TTLL5: variants seen among roughly 807,000 people sequenced by gnomAD.
TTLL5 encodes tubulin tyrosine ligase like 5.
In TTLL5, 132 loss-of-function variants were observed where a neutral mutation model predicts 168.4. The observed-to-expected ratio is 0.78, with a 90% confidence interval of 0.68 to 0.91. The LOEUF is 0.91. Ranked by LOEUF, TTLL5 falls within the 40% of genes least tolerant of loss-of-function variation. The pLI, the probability that TTLL5 is intolerant of heterozygous loss-of-function variation, is 0.00. For synonymous variants in TTLL5, 546 were observed against 558.6 expected (o/e 0.98, Z 0.32); for missense variants, 1,545 against 1,581.5 (o/e 0.98, Z 0.39).
At chr14:75,664,569 T>C (rs1883114709) in intron 2 of TTLL5, among the ~76,000 whole-genome samples, 1 of 152,240 alleles carries the variant, frequency 6.6e-6, no homozygotes, top group African/African-American at 2.4e-5. Context: ...GTGGGCTTCT[T>C]GTAAGATACA....
rs1453660478 is a variant in TTLL5, at chr14:75,772,690, C to CA, written c.2136+837dup. Among the ~76,000 whole-genome samples the CA allele has an allele frequency of 4.8e-5, 7 of 145,480 alleles. No individual in the cohort carries two copies. The East Asian group carries it at 6.1e-4, about 13-fold the overall frequency. ...TATTCTTTTTTTTTTTTTTTTGAGA[C>CA]AGAGTCTTGCTCTGTCGCCCAGGCT... On this transcript the variant is annotated intron_variant, in intron 21 of 31. Coordinates refer to ENST00000298832, the MANE Select transcript of TTLL5 (RefSeq NM_015072.5).
intron 6 of TTLL5, among the ~76,000 whole-genome samples, chr14:75,696,155 G>A (rs761133749): frequency 3.2e-4 from 49 of 152,144 alleles, no homozygotes; most frequent in African/African-American, 5.3e-4. Context: ...CTCCCAAAGC[G>A]CTGGGATTAC....
intron 30 of TTLL5, among the ~76,000 whole-genome samples, chr14:75,899,562 A>G (rs917330249): frequency 5.3e-5 from 8 of 152,232 alleles, no homozygotes; most frequent in Non-Finnish European, 1.0e-4. Flanking sequence ...CTGTGGACAC[A>G]TTTCTACATC....
At chr14:75,890,780 C>T (rs994713331) in intron 30 of TTLL5, among the ~76,000 whole-genome samples, 2 of 152,104 alleles carry the variant, frequency 1.3e-5, no homozygotes, top group African/African-American at 2.4e-5. Flanking sequence ...AGTGCAGTGG[C>T]GCGATCTTGG....
At chr14:75,953,251 C>G (rs911524368) in intron 31 of TTLL5, among the ~76,000 whole-genome samples, 2 of 152,176 alleles carry the variant, frequency 1.3e-5, no homozygotes, top group East Asian at 1.9e-4. Context: ...AATACTGCTC[C>G]ACATGTAGAG....
Position 75,771,730 on chromosome 14 carries a change from A to G in TTLL5, c.2016-4A>G, listed in dbSNP as rs760629839. 85 of 1,613,162 alleles carry G rather than the reference A, an allele frequency of 5.3e-5. No individual in the cohort carries two copies. In the East Asian group the frequency reaches 8.0e-4, roughly 15 times the overall value. ...TAACGGTATGTTGTTTTGGATTTCT[A>G]TAGCAAAATGCAGGCCCGAATAGCA... On this transcript the variant is annotated splice_polypyrimidine_tract_variant and splice_region_variant and intron_variant, in intron 20 of 31. Coordinates refer to ENST00000298832, the MANE Select transcript of TTLL5 (RefSeq NM_015072.5).
At chr14:75,678,882 A>G (rs1423803582) in intron 3 of TTLL5, among the ~76,000 whole-genome samples, 1 of 152,178 alleles carries the variant, frequency 6.6e-6, no homozygotes, top group Non-Finnish European at 1.5e-5. Flanking sequence ...CTGGTAAGAT[A>G]TTTTGAGATG....
At chr14:75,700,591 G>A (rs1566819533) in intron 7 of TTLL5, among the ~76,000 whole-genome samples, 1 of 152,188 alleles carries the variant, frequency 6.6e-6, no homozygotes, top group Admixed American at 6.5e-5. Flanking sequence ...AACCCCGGAA[G>A]CATGCCAACA....
intron 18 of TTLL5, among the ~76,000 whole-genome samples, chr14:75,754,377 A>G (rs928472178): frequency 5.9e-5 from 9 of 152,144 alleles, no homozygotes; most frequent in African/African-American, 1.9e-4. Flanking sequence ...TATATCTGCA[A>G]ATGTATGGTG....
chr14:75,780,437 T>C (rs565091151), intron 24 of TTLL5, among the ~76,000 whole-genome samples: 1 of 152,290 alleles, frequency 6.6e-6, no homozygotes, highest in African/African-American at 2.4e-5. Context: ...TGAATATGGA[T>C]GTGGCTGTCT....
intron 6 of TTLL5, among the ~76,000 whole-genome samples, chr14:75,695,962 G>A (rs1885827551): frequency 7.3e-6 from 1 of 136,564 alleles, no homozygotes; most frequent in Non-Finnish European, 1.5e-5. Context: ...GGTAATCATA[G>A]CTCCCCATAA....
At chr14:75,782,987 ATTAAGT>A (rs1190370424) in intron 25 of TTLL5, among the ~76,000 whole-genome samples, 154 bp from the exon 26 acceptor site, 2 of 152,230 alleles carry the variant, frequency 1.3e-5, no homozygotes, top group African/African-American at 2.4e-5. Context: ...GGCAAAAATC[ATTAAGT>A]TTATGATGAA....
rs778792332 is a variant in TTLL5, at chr14:75,874,933, C to CCTTTTTTTTTTTTTTTT, written c.3523-7752_3523-7751insCTTTTTTTTTTTTTTTT. ...AGAGAAAAAAAAAGACACTGGGGGC[C>CCTTTTTTTTTTTTTTTT]TTTTTTTTTTTTTTTTTTGAGACGG... On this transcript the variant is annotated intron_variant, in intron 29 of 31. Transcript: ENST00000298832. Among the ~76,000 whole-genome samples, 63 of 97,536 alleles carry CCTTTTTTTTTTTTTTTT rather than the reference C, an allele frequency of 6.5e-4. 8 individuals carry two copies. Among genetic ancestry groups the CCTTTTTTTTTTTTTTTT allele is most frequent in the African/African-American group, 2.9e-3 (60 of 20,372 alleles). The allele number at this position is 97,536 out of a possible 152,430, so 64.0% of individuals were successfully genotyped here. A position where few individuals can be genotyped will look rare whatever the true frequency, so the allele number is the denominator to read the frequency against.
At chr14:75,914,033 A>T (rs11850344) in intron 31 of TTLL5, among the ~76,000 whole-genome samples, 2,472 of 71,142 alleles carry the variant, frequency 0.035, 212 homozygotes, top group Middle Eastern at 0.13. Flanking sequence ...AAAAAAAAAA[A>T]ATATATATAT....
At chr14:75,778,624 A>C (rs1013745762) in intron 23 of TTLL5, among the ~76,000 whole-genome samples, 3 of 152,154 alleles carry the variant, frequency 2.0e-5, no homozygotes, top group African/African-American at 7.2e-5. Flanking sequence ...AAGATGGGAT[A>C]TAGGTTCTCT....
chr14:75,863,711 A>G lies in TTLL5; in HGVS notation c.3371A>G (p.Asn1124Ser). The G allele has an allele frequency of 6.2e-7, 1 of 1,612,100 alleles. No individual in the cohort carries two copies. Residue 1124 changes from asparagine (N) to serine (S), a missense_variant, in exon 29 of 32, where the codon AAC becomes AGC. By Grantham distance (46) the Asn-to-Ser change is conservative. Transcript: ENST00000298832. The stretch of plus-strand genomic sequence containing the variant: ...TTTGCCTGGGAAGGAGAAGTAGAAA[A>G]CAACGTGTACAGCCAGGCTACAGGG... ...GGFAWEGEVE[N>S]NVYSQATGVV...
At chr14:75,887,420 G>A (rs967597106) in intron 30 of TTLL5, 4 of 739,988 alleles carry the variant, frequency 5.4e-6, no homozygotes, top group Non-Finnish European at 6.6e-6. Context: ...CATATTGTGT[G>A]TTAACCATGT....
At chr14:75,900,059 A>G (rs2032854050) in intron 30 of TTLL5, among the ~76,000 whole-genome samples, 1 of 151,970 alleles carries the variant, frequency 6.6e-6, no homozygotes, top group Non-Finnish European at 1.5e-5. Flanking sequence ...TAACTTCTGT[A>G]AAGGAAAGAG....
At chr14:75,942,724 T>G (rs2034649591) in intron 31 of TTLL5, among the ~76,000 whole-genome samples, 1 of 152,176 alleles carries the variant, frequency 6.6e-6, no homozygotes, top group Non-Finnish European at 1.5e-5. Flanking sequence ...ATACTTGCAT[T>G]CTCTATGGCC....
Sources: allele counts gnomAD v4.1 joint callset (sites outside exome capture counted in the v4.1 genomes callset), GRCh38; gene constraint gnomAD v4.1.1; transcripts MANE v1.5; gene names NCBI Gene and HGNC (gene_info 2026-07-23, HGNC 2026-07-21).